Variants in GNB1 observed in about 807,000 individuals in gnomAD.
The protein encoded by GNB1 is guanine nucleotide-binding protein G(I)/G(S)/G(T) subunit beta-1.
Under a neutral mutation model 42.9 loss-of-function variants are expected in GNB1, and 2 were observed. The ratio of observed to expected loss-of-function variants is 0.05; its 90% CI spans 0.02 to 0.15. GNB1 has a LOEUF of 0.15. Among genes scored for constraint, GNB1 ranks in the 10% least tolerant of loss-of-function variants. The probability of loss-of-function intolerance (pLI) is 1.00; values close to 1 mark genes in which losing one functional copy is unlikely to be tolerated. For missense variants in GNB1, 193 were observed against 462.2 expected (o/e 0.42, Z 5.34); for synonymous variants, 183 against 174.7 (o/e 1.05, Z -0.38).
At chr1:1,847,876 A>T (rs1647756078) in intron 1 of GNB1, among the ~76,000 whole-genome samples, 1 of 152,194 alleles carries the variant, frequency 6.6e-6, no homozygotes, top group East Asian at 1.9e-4. Flanking sequence ...AACAGAACAC[A>T]CCTTGACAGA....
chr1:1,834,703 C>T (rs1048207576), intron 2 of GNB1, among the ~76,000 whole-genome samples: 4 of 144,106 alleles, frequency 2.8e-5, no homozygotes, highest in Admixed American at 7.4e-5. Flanking sequence ...GAGTCTCACT[C>T]TGTTGCCCAG....
intron 1 of GNB1, among the ~76,000 whole-genome samples, chr1:1,841,354 T>C (rs1647237430): frequency 6.6e-6 from 1 of 152,078 alleles, no homozygotes; most frequent in South Asian, 2.1e-4. Flanking sequence ...CCTTTTATTA[T>C]TTATTAGTAG....
At chr1:1,878,320 T>C (rs1347357708) in intron 1 of GNB1, among the ~76,000 whole-genome samples, 1 of 152,186 alleles carries the variant, frequency 6.6e-6, no homozygotes, top group Non-Finnish European at 1.5e-5. Context: ...AGGGAATTTA[T>C]TTCAACAGGA....
intron 2 of GNB1, among the ~76,000 whole-genome samples, chr1:1,836,417 GGTCTC>G (rs1647151091): frequency 7.1e-6 from 1 of 139,968 alleles, no homozygotes; most frequent in African/African-American, 2.6e-5. Context: ...TTTGACACAG[GGTCTC>G]GCTCTGTTGT....
chr1:1,880,585 CAA>C (rs67566340), intron 1 of GNB1, among the ~76,000 whole-genome samples: 1 of 145,548 alleles, frequency 6.9e-6, no homozygotes, highest in African/African-American at 2.5e-5. Context: ...GACTCCATCT[CAA>C]AAAAAAAATA....
intron 1 of GNB1, among the ~76,000 whole-genome samples, chr1:1,877,406 A>T (rs1168832168): frequency 6.6e-6 from 1 of 151,530 alleles, no homozygotes; most frequent in Non-Finnish European, 1.5e-5. Flanking sequence ...GATACAAAAC[A>T]CTAGAAGAAA....
At chr1:1,835,209 C>G (rs1186896124) in intron 2 of GNB1, among the ~76,000 whole-genome samples, 3 of 152,148 alleles carry the variant, frequency 2.0e-5, no homozygotes, top group Non-Finnish European at 4.4e-5. Context: ...TAAGCAGGAC[C>G]AATGATGTCT....
chr1:1,811,210 T>A (rs1288052635), intron 5 of GNB1, among the ~76,000 whole-genome samples: 1 of 151,802 alleles, frequency 6.6e-6, no homozygotes, highest in African/African-American at 2.4e-5. Flanking sequence ...CTCAGCCTCT[T>A]GAGTGCAGCT....
intron 1 of GNB1, among the ~76,000 whole-genome samples, chr1:1,869,651 TTCC>T (rs1649139821): frequency 1.3e-5 from 2 of 152,152 alleles, no homozygotes; most frequent in Admixed American, 1.3e-4. Context: ...ACGTAGCTGG[TTCC>T]TCTTTTCTGC....
At chr1:1,885,807 G>A (rs889214854) in intron 1 of GNB1, among the ~76,000 whole-genome samples, 11 of 148,966 alleles carry the variant, frequency 7.4e-5, no homozygotes, top group East Asian at 4.1e-4. Context: ...ATCCGCCCAC[G>A]TCGGCCTCCC....
chr1:1,885,551 CTTTTTTTTTT>C (rs60651257), intron 1 of GNB1, among the ~76,000 whole-genome samples: 1 of 94,060 alleles, frequency 1.1e-5, no homozygotes, highest in South Asian at 3.5e-4. Flanking sequence ...TCCACTTAAT[CTTTTTTTTTT>C]TTTTTTTTTT....
rs1647190611 is a variant in GNB1, at chr1:1,839,206, T to C, written c.-63A>G. ...CAAAATTACCTTAATTCAGAAGGGC[T>C]TCTGGTCTGGTCTCCAATACATGTA... On this transcript the variant is annotated 5_prime_UTR_variant, in exon 2 of 12. Coordinates refer to ENST00000378609, the MANE Select transcript of GNB1 (RefSeq NM_002074.5). The C allele has an allele frequency of 6.6e-6, 1 of 152,212 alleles. No homozygotes were observed. Among genetic ancestry groups the C allele is most frequent in the South Asian group, 2.1e-4 (1 of 4,838 alleles). The allele number at this position is 152,212 out of a possible 1,614,324, so 9.4% of individuals were successfully genotyped here. A position where few individuals can be genotyped will look rare whatever the true frequency, so the allele number is the denominator to read the frequency against.
intron 1 of GNB1, among the ~76,000 whole-genome samples, chr1:1,841,689 C>T (rs1276581835): frequency 8.5e-5 from 13 of 152,134 alleles, no homozygotes; most frequent in African/African-American, 3.1e-4. Flanking sequence ...AATTCTAATT[C>T]ATTTACTTAA....
chr1:1,826,922 TA>T (rs1299420597), intron 2 of GNB1, among the ~76,000 whole-genome samples: 1 of 152,178 alleles, frequency 6.6e-6, no homozygotes, highest in Admixed American at 6.6e-5. Context: ...ATGACTCAAG[TA>T]TAACAAAGCT....
At chr1:1,807,147 C>A (rs977380130) in intron 5 of GNB1, among the ~76,000 whole-genome samples, 5 of 152,184 alleles carry the variant, frequency 3.3e-5, no homozygotes, top group Admixed American at 6.6e-5. Flanking sequence ...AGGCTGACAT[C>A]ATTTCATAAG....
intron 3 of GNB1, among the ~76,000 whole-genome samples, chr1:1,819,198 G>T (rs2100910283): frequency 6.6e-6 from 1 of 152,032 alleles, no homozygotes. Context: ...TTTGAGTGTT[G>T]GTATAATTTT....
chr1:1,861,612 G>A (rs1238954876), intron 1 of GNB1, among the ~76,000 whole-genome samples: 1 of 151,806 alleles, frequency 6.6e-6, no homozygotes, highest in African/African-American at 2.4e-5. Flanking sequence ...TGGTGGTGGG[G>A]GAGAAGTGAT....
At chr1:1,852,967 G>A (rs549137155) in intron 1 of GNB1, among the ~76,000 whole-genome samples, 4 of 152,142 alleles carry the variant, frequency 2.6e-5, no homozygotes, top group East Asian at 1.9e-4. Flanking sequence ...GCACTGCAGC[G>A]CTCTGAGGGT....
chr1:1,809,003 C>T (rs920583175), intron 5 of GNB1, among the ~76,000 whole-genome samples: 7 of 152,114 alleles, frequency 4.6e-5, no homozygotes, highest in Non-Finnish European at 8.8e-5. Flanking sequence ...TGACCTAAAG[C>T]TGGAGTAACG....
Sources: gnomAD v4.1 joint callset for allele counts (sites outside exome capture counted in the v4.1 genomes callset) on GRCh38, gnomAD v4.1.1 for gene constraint, MANE v1.5 for transcripts, NCBI Gene and HGNC (gene_info 2026-07-23, HGNC 2026-07-21) for gene names.